The following PDLIM5 variants were observed in gnomAD, a reference collection of about 807,000 sequenced individuals.
PDLIM5 encodes the protein PDZ and LIM domain protein 5.
PDLIM5 carries 34 observed loss-of-function variants against 64.2 expected under a neutral mutation model. The ratio of observed to expected loss-of-function variants is 0.53; its 90% CI spans 0.40 to 0.71. The LOEUF is 0.71. Among genes scored for constraint, PDLIM5 ranks in the 30% least tolerant of loss-of-function variants. PDLIM5 has a pLI of 0.00. For missense variants in PDLIM5, 683 were observed against 733.6 expected (o/e 0.93, Z 0.80); for synonymous variants, 253 against 269.1 (o/e 0.94, Z 0.59).
rs1327373409 is a variant in PDLIM5 at position 94,662,519 on chromosome 4, C to T, written c.1683C>T (p.Asp561=). 5 of 1,578,024 alleles carry T rather than the reference C, an allele frequency of 3.2e-6. No homozygotes were observed. The highest frequency in any genetic ancestry group is 3.3e-5 in the Admixed American group (2 of 59,960). Residue 561 remains aspartate (D), a synonymous_variant, in exon 12 of 13, where the codon GAC becomes GAT. Transcript: ENST00000317968. ...FLEALGYTWH[D]TCFVCSVCCE... is the part of the protein sequence containing the mutation. ...AAGCTCTGGGCTACACCTGGCATGA[C>T]ACTTGCTTTGTATGCTCAGTAAGTA...
chr4:94,559,502 A>G (rs1733655469), intron 3 of PDLIM5, among the ~76,000 whole-genome samples: 1 of 152,234 alleles, frequency 6.6e-6, no homozygotes, highest in African/African-American at 2.4e-5. Context: ...AAGCATCAGC[A>G]TATGCCAGTG....
At chr4:94,476,070 C>T in intron 2 of PDLIM5, among the ~76,000 whole-genome samples, 1 of 152,102 alleles carries the variant, frequency 6.6e-6, no homozygotes, top group East Asian at 1.9e-4. Context: ...CGTTTCTAAG[C>T]TAAAAACAAA....
chr4:94,565,388 T>C (rs1332496024), intron 3 of PDLIM5, among the ~76,000 whole-genome samples: 1 of 152,240 alleles, frequency 6.6e-6, no homozygotes, highest in East Asian at 1.9e-4. Flanking sequence ...ATCGTAGTTA[T>C]TTCTGTCAAT....
intron 5 of PDLIM5, among the ~76,000 whole-genome samples, chr4:94,580,620 G>C (rs1360927619): frequency 6.6e-6 from 1 of 152,012 alleles, no homozygotes; most frequent in East Asian, 1.9e-4. Flanking sequence ...TTTAATTCAA[G>C]ATTAAGATTC....
chr4:94,544,512 G>A (rs982278614), intron 3 of PDLIM5, among the ~76,000 whole-genome samples: 29 of 152,200 alleles, frequency 1.9e-4, no homozygotes, highest in African/African-American at 7.0e-4. Flanking sequence ...ATTTTATAGA[G>A]ATACATTGAG....
intron 2 of PDLIM5, among the ~76,000 whole-genome samples, chr4:94,521,069 C>A (rs1729783701): frequency 6.6e-6 from 1 of 152,184 alleles, no homozygotes; most frequent in Non-Finnish European, 1.5e-5. Context: ...AATTATAAAA[C>A]ATGATCCCTG....
At chr4:94,654,363 A>T in intron 9 of PDLIM5, 97 bp from the exon 10 acceptor site, 1 of 777,092 alleles carries the variant, frequency 1.3e-6, no homozygotes, top group Non-Finnish European at 2.2e-6. Flanking sequence ...TTGAGCAAGT[A>T]TTTAATTGGT....
intron 2 of PDLIM5, among the ~76,000 whole-genome samples, chr4:94,478,988 C>A (rs1321918989): frequency 6.8e-6 from 1 of 146,426 alleles, no homozygotes; most frequent in Non-Finnish European, 1.5e-5. Flanking sequence ...CAGCCTTAAC[C>A]TGCTGAGCTC....
At chr4:94,632,910 T>C (rs1433118378) in intron 8 of PDLIM5, among the ~76,000 whole-genome samples, 1 of 152,180 alleles carries the variant, frequency 6.6e-6, no homozygotes, top group African/African-American at 2.4e-5. Context: ...CAGTAATATC[T>C]GTGTAGGTTA....
chr4:94,512,513 T>A (rs1233462807), intron 2 of PDLIM5, among the ~76,000 whole-genome samples: 1 of 152,228 alleles, frequency 6.6e-6, no homozygotes, highest in African/African-American at 2.4e-5. Flanking sequence ...TTTGCATTTC[T>A]CTGATGATCA....
At chr4:94,592,646 G>C (rs141630315) in intron 7 of PDLIM5, among the ~76,000 whole-genome samples, 216 of 152,080 alleles carry the variant, frequency 1.4e-3, no homozygotes, top group African/African-American at 5.0e-3. Flanking sequence ...TTTGTTTTTT[G>C]AGACAGAGTC....
chr4:94,472,566 G>A (rs566882659), intron 2 of PDLIM5, among the ~76,000 whole-genome samples: 3 of 152,296 alleles, frequency 2.0e-5, no homozygotes, highest in African/African-American at 4.8e-5. Flanking sequence ...CCTGCCTTTT[G>A]TACTATTGCT....
chr4:94,495,465 C>T (rs1001330659), intron 2 of PDLIM5, among the ~76,000 whole-genome samples: 1 of 151,636 alleles, frequency 6.6e-6, no homozygotes, highest in African/African-American at 2.4e-5. Context: ...ACCTTAACAA[C>T]ATCTCCTGTT....
chr4:94,589,784 T>G (rs986498359), intron 7 of PDLIM5, among the ~76,000 whole-genome samples: 1 of 151,802 alleles, frequency 6.6e-6, no homozygotes, highest in Non-Finnish European at 1.5e-5. Context: ...CTTTCCTTTT[T>G]TTAAATTTGA....
At chr4:94,521,836 C>G (rs1729857099) in intron 2 of PDLIM5, among the ~76,000 whole-genome samples, 1 of 151,940 alleles carries the variant, frequency 6.6e-6, no homozygotes, top group South Asian at 2.1e-4. Flanking sequence ...TAACTGCATT[C>G]TATTTCTAGT....
chr4:94,665,140 G>A lies in PDLIM5; in HGVS notation c.*1073G>A, dbSNP rs1427371542. ...TTTTTTTCCCTTGTGCTAAGGTAAAGATTTAATTAAATAATTTTGGCCTCT... is the reference window on the plus strand; with the variant it reads ...TTTTTTTCCCTTGTGCTAAGGTAAAAATTTAATTAAATAATTTTGGCCTCT... On this transcript the variant is annotated 3_prime_UTR_variant, in exon 13 of 13. Transcript: ENST00000317968. The A allele has an allele frequency of 1.5e-5, 14 of 955,164 alleles. No individual in the cohort carries two copies. The highest frequency in any genetic ancestry group is 5.3e-5 in the African/African-American group (3 of 56,608). 59.2% of individuals were successfully genotyped at this position (955,164 alleles called of 1,614,324 possible). A position where few individuals can be genotyped will look rare whatever the true frequency, so the allele number is the denominator to read the frequency against.
At chr4:94,497,819 G>C (rs957334225) in intron 2 of PDLIM5, among the ~76,000 whole-genome samples, 2 of 152,140 alleles carry the variant, frequency 1.3e-5, no homozygotes, top group African/African-American at 4.8e-5. Flanking sequence ...GCCACTGTGA[G>C]CTACCAACAT....
chr4:94,539,933 A>G (rs1203438037), intron 3 of PDLIM5, among the ~76,000 whole-genome samples: 1 of 152,124 alleles, frequency 6.6e-6, no homozygotes, highest in Non-Finnish European at 1.5e-5. Flanking sequence ...TGCCGTGAGT[A>G]AAATTTTGAA....
At chr4:94,463,581 G>A (rs372014382) in intron 2 of PDLIM5, among the ~76,000 whole-genome samples, 1 of 152,086 alleles carries the variant, frequency 6.6e-6, no homozygotes, top group African/African-American at 2.4e-5. Flanking sequence ...TGGTCTTGCT[G>A]TCTCAGGGTG....
Sources: allele counts gnomAD v4.1 joint callset (sites outside exome capture counted in the v4.1 genomes callset), GRCh38; gene constraint gnomAD v4.1.1; transcripts MANE v1.5; gene names NCBI Gene and HGNC (gene_info 2026-07-23, HGNC 2026-07-21).